Variants in ST6GALNAC3 observed in about 807,000 individuals in gnomAD.
The protein encoded by ST6GALNAC3 is alpha-N-acetylgalactosaminide alpha-2,6-sialyltransferase 3.
In ST6GALNAC3, 25 loss-of-function variants were observed where a neutral mutation model predicts 32.7. That is an observed-to-expected ratio of 0.76 (90% CI 0.56 to 1.07). The LOEUF (loss-of-function observed/expected upper bound fraction) is 1.07. ST6GALNAC3 is among the 50% of genes least tolerant of loss of function. The probability of loss-of-function intolerance (pLI) is 0.00; values close to 1 mark genes in which losing one functional copy is unlikely to be tolerated. For synonymous variants in ST6GALNAC3, 129 were observed against 133.1 expected (o/e 0.97, Z 0.21); for missense variants, 355 against 382.4 (o/e 0.93, Z 0.60).
At chr1:76,114,124 T>A (rs1366995770) in intron 1 of ST6GALNAC3, among the ~76,000 whole-genome samples, 2 of 151,578 alleles carry the variant, frequency 1.3e-5, no homozygotes, top group Non-Finnish European at 1.5e-5. Flanking sequence ...ATTACAGACA[T>A]GAGTCACTGT....
At chr1:76,265,126 G>A (rs923179541) in intron 1 of ST6GALNAC3, among the ~76,000 whole-genome samples, 5 of 152,030 alleles carry the variant, frequency 3.3e-5, no homozygotes, top group East Asian at 1.9e-4. Context: ...GATATTTGAC[G>A]GTAGTACATA....
At chr1:76,154,383 C>T (rs1360750307) in intron 1 of ST6GALNAC3, among the ~76,000 whole-genome samples, 2 of 152,180 alleles carry the variant, frequency 1.3e-5, no homozygotes, top group Admixed American at 6.5e-5. Context: ...CCGAAGAGCA[C>T]TGCATTTAAG....
At chr1:76,410,369 C>G (rs929480426) in intron 2 of ST6GALNAC3, among the ~76,000 whole-genome samples, 2 of 152,150 alleles carry the variant, frequency 1.3e-5, no homozygotes, top group Admixed American at 1.3e-4. Flanking sequence ...TCATTCAAGT[C>G]TTTCCTCAAA....
rs145489483 is a variant in ST6GALNAC3 at position 76,200,474 on chromosome 1, G to A, written c.19-113331G>A. On this transcript the variant is annotated intron_variant, in intron 1 of 4. Transcript: ENST00000328299. Reference sequence around the variant, plus strand: ...TTTCAGGGGTCTTTGAAAAACCCCTGTTTATTTCAACCAGCTCAGATGGTT... The same window carrying A: ...TTTCAGGGGTCTTTGAAAAACCCCTATTTATTTCAACCAGCTCAGATGGTT... Among the ~76,000 whole-genome samples the A allele has an allele frequency of 3.9e-4, 60 of 152,228 alleles. 2 individuals are homozygous for A. Among genetic ancestry groups the A allele is most frequent in the African/African-American group, 1.3e-3 (55 of 41,556 alleles).
At chr1:76,514,483 C>G (rs1662055535) in intron 3 of ST6GALNAC3, among the ~76,000 whole-genome samples, 1 of 152,042 alleles carries the variant, frequency 6.6e-6, no homozygotes, top group Non-Finnish European at 1.5e-5. Flanking sequence ...TGGGACAGAT[C>G]TCTCATGAAT....
At chr1:76,502,945 T>C (rs1661261380) in intron 3 of ST6GALNAC3, among the ~76,000 whole-genome samples, 1 of 152,204 alleles carries the variant, frequency 6.6e-6, no homozygotes, top group Non-Finnish European at 1.5e-5. Flanking sequence ...GACAGAGGTG[T>C]AGGACTATTA....
chr1:76,278,054 C>T (rs368062104), intron 1 of ST6GALNAC3, among the ~76,000 whole-genome samples: 3 of 151,978 alleles, frequency 2.0e-5, no homozygotes, highest in Non-Finnish European at 4.4e-5. Flanking sequence ...TATGAAATTT[C>T]ATTAAATTTA....
chr1:76,196,023 A>G (rs1486715223), intron 1 of ST6GALNAC3, among the ~76,000 whole-genome samples: 4 of 152,224 alleles, frequency 2.6e-5, no homozygotes, highest in Admixed American at 6.5e-5. Context: ...ATTTGTTGAG[A>G]CAAAAATGAC....
intron 3 of ST6GALNAC3, among the ~76,000 whole-genome samples, chr1:76,513,987 GA>G (rs1284099336): frequency 1.3e-5 from 2 of 152,040 alleles, no homozygotes; most frequent in Admixed American, 6.6e-5. Context: ...AAATGCTACT[GA>G]TTTTTTTGTA....
chr1:76,335,430 AACAC>A (rs60059592), intron 2 of ST6GALNAC3, among the ~76,000 whole-genome samples: 4,009 of 145,136 alleles, frequency 0.028, 177 homozygotes, highest in African/African-American at 0.095. Flanking sequence ...CATCACAGGG[AACAC>A]ACACACACAC....
chr1:76,293,022 C>T (rs189268431), intron 1 of ST6GALNAC3, among the ~76,000 whole-genome samples: 7 of 152,228 alleles, frequency 4.6e-5, no homozygotes, highest in Admixed American at 1.3e-4. Flanking sequence ...CCCTAGTTCC[C>T]TAAATTAATT....
intron 3 of ST6GALNAC3, among the ~76,000 whole-genome samples, chr1:76,609,332 C>T (rs977755421): frequency 2.0e-5 from 3 of 152,090 alleles, no homozygotes; most frequent in African/African-American, 7.2e-5. Context: ...ATTTTAATAA[C>T]ATATATCGCT....
intron 3 of ST6GALNAC3, among the ~76,000 whole-genome samples, chr1:76,492,019 T>C (rs748642985): frequency 1.1e-4 from 16 of 152,230 alleles, no homozygotes; most frequent in Non-Finnish European, 1.9e-4. Flanking sequence ...CATAATTAGA[T>C]ATACACAACT....
chr1:76,305,006 T>G (rs796289839), intron 1 of ST6GALNAC3, among the ~76,000 whole-genome samples: 13 of 152,154 alleles, frequency 8.5e-5, no homozygotes, highest in African/African-American at 3.1e-4. Context: ...TCCGATTACC[T>G]TCATTGTTCC....
intron 3 of ST6GALNAC3, among the ~76,000 whole-genome samples, chr1:76,483,782 A>G (rs1481420317): frequency 1.3e-5 from 2 of 152,184 alleles, no homozygotes; most frequent in East Asian, 1.9e-4. Context: ...TGTTTTAGAC[A>G]TGAAGTCCTT....
At chr1:76,431,321 G>T (rs1441570859) in intron 3 of ST6GALNAC3, among the ~76,000 whole-genome samples, 1 of 152,030 alleles carries the variant, frequency 6.6e-6, no homozygotes, top group East Asian at 1.9e-4. Context: ...TATCTCCTCT[G>T]CCCTAAAGTG....
chr1:76,376,188 C>T (rs1373719716), intron 2 of ST6GALNAC3, among the ~76,000 whole-genome samples: 4 of 151,944 alleles, frequency 2.6e-5, no homozygotes, highest in East Asian at 3.9e-4. Flanking sequence ...CAAAGAGATC[C>T]CATATATCTT....
intron 3 of ST6GALNAC3, among the ~76,000 whole-genome samples, chr1:76,493,306 TA>T (rs1259899960): frequency 6.6e-6 from 1 of 152,168 alleles, no homozygotes; most frequent in East Asian, 1.9e-4. Flanking sequence ...GAGAAACTGA[TA>T]AGAAGTAGTG....
intron 2 of ST6GALNAC3, among the ~76,000 whole-genome samples, chr1:76,338,187 T>G (rs1298498966): frequency 1.3e-5 from 2 of 152,186 alleles, no homozygotes; most frequent in African/African-American, 2.4e-5. Context: ...GATTAATATA[T>G]TTAACAAAAA....
Sources: gnomAD v4.1 joint callset for allele counts (sites outside exome capture counted in the v4.1 genomes callset) on GRCh38, gnomAD v4.1.1 for gene constraint, MANE v1.5 for transcripts, NCBI Gene and HGNC (gene_info 2026-07-23, HGNC 2026-07-21) for gene names.